Variants in SORCS2 observed in about 807,000 individuals in gnomAD.
The protein encoded by SORCS2 is VPS10 domain-containing receptor SorCS2.
Under a neutral mutation model 141.6 loss-of-function variants are expected in SORCS2, and 100 were observed. The observed-to-expected ratio is 0.71, with a 90% CI of 0.60 to 0.83. The LOEUF (loss-of-function observed/expected upper bound fraction) is 0.83, where lower values mean the gene tolerates loss of function less well. SORCS2 is among the 40% of genes least tolerant of loss of function. The pLI is 0.00. For missense variants in SORCS2, 1,646 were observed against 1,560.2 expected, an observed-to-expected ratio of 1.05 and a Z score of -0.93; for synonymous variants, 789 against 676.9, an observed-to-expected ratio of 1.17 and a Z score of -2.57.
chr4:7,403,997 A>ATATATATATATATATATATATATATT (rs1265288820), intron 2 of SORCS2, among the ~76,000 whole-genome samples: 2 of 18,996 alleles, frequency 1.1e-4, no homozygotes, highest in Non-Finnish European at 2.5e-4. Context: ...ATATATATAT[A>ATATATATATATATATATATATATATT]TTTTTTTTTT....
At chr4:7,426,556 G>T (rs1452470075) in intron 2 of SORCS2, among the ~76,000 whole-genome samples, 1 of 152,196 alleles carries the variant, frequency 6.6e-6, no homozygotes, top group Non-Finnish European at 1.5e-5. Flanking sequence ...AGACCCTCCA[G>T]CATTCTCCCT....
chr4:7,522,070 C>T (rs894551330), intron 2 of SORCS2, among the ~76,000 whole-genome samples: 1 of 152,216 alleles, frequency 6.6e-6, no homozygotes, highest in African/African-American at 2.4e-5. Context: ...ACAGGAGGTC[C>T]GCTTCATTAA....
At chr4:7,582,160 G>T (rs1716201848) in intron 3 of SORCS2, among the ~76,000 whole-genome samples, 1 of 152,170 alleles carries the variant, frequency 6.6e-6, no homozygotes, top group Admixed American at 6.5e-5. Context: ...ATATGCAAAA[G>T]AACTTTGAAA....
chr4:7,313,490 G>C (rs1718337426), intron 1 of SORCS2, among the ~76,000 whole-genome samples: 1 of 152,212 alleles, frequency 6.6e-6, no homozygotes, highest in Non-Finnish European at 1.5e-5. Context: ...TGCTGGGGTG[G>C]TCACTGGAGC....
Position 7,587,984 on chromosome 4 carries a change from T to C in SORCS2, c.649-50344T>C, listed in dbSNP as rs559435027. On this transcript the variant is annotated intron_variant, in intron 3 of 26. Transcript: ENST00000507866. ...AAACCAATTTCTCTAACTGTAAAAGTGGTCCCAAAGGATTAATCAGAACAC... is the reference window on the plus strand; with the variant it reads ...AAACCAATTTCTCTAACTGTAAAAGCGGTCCCAAAGGATTAATCAGAACAC... 2.6e-5 allele frequency among the ~76,000 whole-genome samples: 4 copies of C among 152,334 alleles called. No individual in the cohort carries two copies. The South Asian group carries it at 8.3e-4, about 32-fold the overall frequency.
intron 1 of SORCS2, among the ~76,000 whole-genome samples, chr4:7,332,891 C>T (rs1231200272): frequency 1.3e-5 from 2 of 152,218 alleles, no homozygotes; most frequent in Non-Finnish European, 2.9e-5. Context: ...CCCAGCTCAG[C>T]CTTTTACCAG....
intron 1 of SORCS2, among the ~76,000 whole-genome samples, chr4:7,276,722 G>A (rs975028683): frequency 1.3e-5 from 2 of 152,202 alleles, no homozygotes; most frequent in African/African-American, 2.4e-5. Context: ...GCTCCTGAAT[G>A]CGATTTAGAA....
rs1727242655 is a variant in SORCS2 at position 7,726,726 on chromosome 4, C to G, written c.2746-54C>G. The stretch of plus-strand genomic sequence containing the variant: ...GGCAGCGACCATAGGCCAGCGTCCC[C>G]CACGGCCGCTGCCTCACTCGGCCAG... On this transcript the variant is annotated intron_variant, in intron 20 of 26. Coordinates refer to ENST00000507866, the MANE Select transcript of SORCS2 (RefSeq NM_020777.3). 9 of 1,592,240 alleles carry G rather than the reference C, an allele frequency of 5.7e-6. No homozygotes were observed. In the Admixed American group the frequency reaches 1.2e-4, roughly 21 times the overall value.
chr4:7,418,234 C>T (rs556027405), intron 2 of SORCS2, among the ~76,000 whole-genome samples: 54 of 152,310 alleles, frequency 3.5e-4, no homozygotes, highest in African/African-American at 1.2e-3. Flanking sequence ...CCCCATGGGG[C>T]TCGCGTTCTA....
At chr4:7,406,308 G>T (rs908388107) in intron 2 of SORCS2, among the ~76,000 whole-genome samples, 4 of 149,968 alleles carry the variant, frequency 2.7e-5, no homozygotes, top group African/African-American at 4.9e-5. Flanking sequence ...GAGTAGGATT[G>T]GTATCAGTTC....
chr4:7,390,330 C>T (rs1015591503), intron 1 of SORCS2, among the ~76,000 whole-genome samples: 5 of 152,214 alleles, frequency 3.3e-5, no homozygotes, highest in Non-Finnish European at 5.9e-5. Flanking sequence ...TGTCAGGCTG[C>T]TTCACAATCA....
intron 3 of SORCS2, among the ~76,000 whole-genome samples, chr4:7,635,562 C>T (rs774955714): frequency 6.6e-5 from 10 of 152,164 alleles, no homozygotes; most frequent in African/African-American, 2.4e-4. Flanking sequence ...GCTTCATCGC[C>T]GTGTCAGCGT....
chr4:7,714,641 G>A (rs1460551389), intron 16 of SORCS2, among the ~76,000 whole-genome samples: 5 of 152,206 alleles, frequency 3.3e-5, no homozygotes, highest in Non-Finnish European at 5.9e-5. Flanking sequence ...GAGAAAGTGA[G>A]GAACAGGTCA....
At chr4:7,513,177 G>C (rs10005462) in intron 2 of SORCS2, among the ~76,000 whole-genome samples, 1 of 152,154 alleles carries the variant, frequency 6.6e-6, no homozygotes. Context: ...CGAATCTCTA[G>C]AATGGGACCG....
At chr4:7,721,327 G>A (rs1178912252) in intron 18 of SORCS2, among the ~76,000 whole-genome samples, 2 of 152,142 alleles carry the variant, frequency 1.3e-5, no homozygotes, top group Admixed American at 6.6e-5. Flanking sequence ...TTAGCCAGGT[G>A]TGGTGATGCA....
intron 1 of SORCS2, among the ~76,000 whole-genome samples, chr4:7,202,293 A>G (rs1434893008): frequency 6.6e-6 from 1 of 152,042 alleles, no homozygotes. Context: ...CTCTATTCCA[A>G]TTAAGCTCCA....
intron 1 of SORCS2, among the ~76,000 whole-genome samples, chr4:7,278,012 C>A (rs1315882813): frequency 2.0e-5 from 3 of 152,266 alleles, no homozygotes; most frequent in African/African-American, 4.8e-5. Flanking sequence ...GGTAGTGGGC[C>A]TGATCATTAT....
chr4:7,307,315 C>T (rs930875762), intron 1 of SORCS2, among the ~76,000 whole-genome samples: 9 of 152,250 alleles, frequency 5.9e-5, no homozygotes, highest in African/African-American at 2.2e-4. Context: ...CACTTCTGAG[C>T]CACCTGGAAG....
intron 4 of SORCS2, among the ~76,000 whole-genome samples, chr4:7,647,269 T>C (rs1010784289): frequency 6.6e-5 from 10 of 152,162 alleles, no homozygotes; most frequent in African/African-American, 2.4e-4. Flanking sequence ...TTTAAGACAA[T>C]TTAGCAATCG....
Sources: allele counts gnomAD v4.1 joint callset (sites outside exome capture counted in the v4.1 genomes callset), GRCh38; gene constraint gnomAD v4.1.1; transcripts MANE v1.5; gene names NCBI Gene and HGNC (gene_info 2026-07-23, HGNC 2026-07-21).